EIF5B: variants seen among roughly 807,000 people sequenced by gnomAD.
The protein encoded by EIF5B is eIF-5B.
In EIF5B, 47 loss-of-function variants were observed where a neutral mutation model predicts 147.5. That is an observed-to-expected ratio of 0.32 (90% CI 0.25 to 0.41). The LOEUF (loss-of-function observed/expected upper bound fraction) is 0.41, where lower values mean the gene tolerates loss of function less well. Among genes scored for constraint, EIF5B ranks in the 10% least tolerant of loss-of-function variants. The pLI, the probability that EIF5B is intolerant of heterozygous loss-of-function variation, is 1.00. For missense variants in EIF5B, 1,064 were observed against 1,413.2 expected, an observed-to-expected ratio of 0.75 and a Z score of 3.96; for synonymous variants, 455 against 456.2, an observed-to-expected ratio of 1.00 and a Z score of 0.03.
chr2:99,381,403 C>A (rs1042080010), intron 12 of EIF5B, among the ~76,000 whole-genome samples: 1 of 152,062 alleles, frequency 6.6e-6, no homozygotes, highest in East Asian at 1.9e-4. Context: ...AACCAGAATG[C>A]GGATCTGAAA....
At chr2:99,383,286 G>A (rs1464805527) in intron 14 of EIF5B, among the ~76,000 whole-genome samples, 1 of 152,076 alleles carries the variant, frequency 6.6e-6, no homozygotes, top group African/African-American at 2.4e-5. Flanking sequence ...GATTTGGGGT[G>A]CCACAAACCA....
intron 14 of EIF5B, among the ~76,000 whole-genome samples, chr2:99,384,517 G>A (rs1290101744): frequency 6.6e-6 from 1 of 152,114 alleles, no homozygotes; most frequent in Non-Finnish European, 1.5e-5. Flanking sequence ...CATTTTATAC[G>A]GCTATAGCTG....
At chr2:99,383,442 A>G (rs1352757021) in intron 14 of EIF5B, among the ~76,000 whole-genome samples, 2 of 152,118 alleles carry the variant, frequency 1.3e-5, no homozygotes, top group Admixed American at 6.5e-5. Flanking sequence ...TAAGATTACA[A>G]TGACCTGTAA....
chr2:99,343,775 C>T (rs2094266263), intron 1 of EIF5B, among the ~76,000 whole-genome samples: 1 of 151,608 alleles, frequency 6.6e-6, no homozygotes, highest in South Asian at 2.1e-4. Context: ...GATTGCACCA[C>T]TGCACGTCAG....
intron 9 of EIF5B, among the ~76,000 whole-genome samples, chr2:99,372,171 T>C (rs975080938): frequency 6.6e-6 from 1 of 152,204 alleles, no homozygotes; most frequent in Non-Finnish European, 1.5e-5. Context: ...TTTACTAACT[T>C]ACTGATAATG....
At chr2:99,381,284 T>G (rs142113238) in intron 12 of EIF5B, among the ~76,000 whole-genome samples, 14 of 152,268 alleles carry the variant, frequency 9.2e-5, no homozygotes, top group South Asian at 2.1e-4. Context: ...GGAACAAGAT[T>G]ATTATTAGGC....
chr2:99,381,641 T>C (rs797022264), intron 12 of EIF5B, among the ~76,000 whole-genome samples: 3 of 152,098 alleles, frequency 2.0e-5, no homozygotes, highest in African/African-American at 7.2e-5. Context: ...ATTTATGTCC[T>C]TTTGTCCAGA....
At chr2:99,391,041 C>T (rs1053941588) in intron 17 of EIF5B, among the ~76,000 whole-genome samples, 11 of 152,152 alleles carry the variant, frequency 7.2e-5, no homozygotes, top group African/African-American at 2.4e-4. Flanking sequence ...TTTTGACTCC[C>T]CAAAAACTTA....
chr2:99,383,060 G>T, intron 14 of EIF5B, 139 bp downstream of exon 14: 2 of 896,312 alleles, frequency 2.2e-6, no homozygotes, highest in Non-Finnish European at 3.1e-6. Flanking sequence ...GATATTGTGT[G>T]TGTGTGTGTA....
At chr2:99,338,393 T>C in intron 1 of EIF5B, 2 of 1,233,340 alleles carry the variant, frequency 1.6e-6, no homozygotes, top group Non-Finnish European at 2.1e-6. Flanking sequence ...GTTGACTTCC[T>C]GGGAGTGAAC....
intron 1 of EIF5B, among the ~76,000 whole-genome samples, chr2:99,349,959 C>T (rs1379756168): frequency 1.3e-5 from 2 of 152,190 alleles, no homozygotes; most frequent in Non-Finnish European, 2.9e-5. Context: ...CTACTCTTCC[C>T]AGCATCTGGT....
At chr2:99,353,983 G>T (rs1674040378) in intron 1 of EIF5B, among the ~76,000 whole-genome samples, 2 of 152,152 alleles carry the variant, frequency 1.3e-5, no homozygotes, top group South Asian at 4.1e-4. Context: ...AAATAAAATT[G>T]CTATGAACTT....
chr2:99,368,419 C>T (rs1307753943), intron 6 of EIF5B, 74 bp from the exon 7 acceptor site: 1 of 1,075,322 alleles, frequency 9.3e-7, no homozygotes. Context: ...GAATGAAATG[C>T]TATCCTTTAA....
chr2:99,358,531 C>G (rs1035231938), intron 1 of EIF5B, among the ~76,000 whole-genome samples: 3 of 152,208 alleles, frequency 2.0e-5, no homozygotes, highest in African/African-American at 7.2e-5. Context: ...TGACAGTGTT[C>G]AGATCTGGTA....
chr2:99,361,160 A>C lies in EIF5B; in HGVS notation c.259A>C (p.Asn87His). ...ETVAVKPTEN[N>H]EEEFTSKDKK... is the part of the protein sequence containing the mutation. ...GGAAATTTTTTAGCCAACAGAAAAC[A>C]ATGAAGAGGAATTCACCTCAAAAGA... Residue 87 changes from asparagine to histidine, a missense_variant, in exon 4 of 24, where the codon AAT becomes CAT. By Grantham distance (68) the Asn-to-His change is moderately conservative (BLOSUM62 1). Around this residue, in one of 4 missense-constraint regions of EIF5B, gnomAD observed 458 missense variants for 451.3 expected, o/e 1.01. Coordinates refer to ENST00000289371, the MANE Select transcript of EIF5B (RefSeq NM_015904.4). 1.3e-6 allele frequency: 2 copies of C among 1,510,018 alleles called. No homozygotes were observed. Among genetic ancestry groups the C allele is most frequent in the Non-Finnish European group, 1.8e-6 (2 of 1,134,316 alleles). 93.5% of individuals were successfully genotyped at this position (1,510,018 alleles called of 1,614,324 possible).
In EIF5B at chr2:99,382,265, C is replaced by G. The variant is rs1346797296; in HGVS notation, c.2129+39C>G. 3 of 1,571,054 alleles carry G rather than the reference C, an allele frequency of 1.9e-6. No individual in the cohort carries two copies. The East Asian group carries it at 6.7e-5, about 35-fold the overall frequency. ...GAGTCTTTTCTCATCAAGCAATCTA[C>G]TTGAAACCATTAAGTCTAAAAGTTC... On this transcript the variant is annotated intron_variant, in intron 13 of 23. Transcript: ENST00000289371.
At position 99,382,935 on chromosome 2, in the gene EIF5B, CT is replaced by C; in HGVS notation, c.2271+15del. 1.3e-6 allele frequency: 2 copies of C among 1,550,414 alleles called. No homozygotes were observed. The highest frequency in any genetic ancestry group is 8.7e-7 in the Non-Finnish European group (1 of 1,153,918). Reference sequence around the variant, plus strand: ...GCACTCAATAAGGTATGTGCGCCTTCTGAAAAATTAACCTAGGAAAACATGT... The same window carrying C: ...GCACTCAATAAGGTATGTGCGCCTTCGAAAAATTAACCTAGGAAAACATGT... On this transcript the variant is annotated intron_variant, in intron 14 of 23. Transcript: ENST00000289371.
intron 4 of EIF5B, among the ~76,000 whole-genome samples, chr2:99,362,442 C>T (rs780358737): frequency 6.6e-6 from 1 of 152,106 alleles, no homozygotes; most frequent in Non-Finnish European, 1.5e-5. Flanking sequence ...CGGTGGTTCA[C>T]GCCTATAATC....
chr2:99,394,673 A>G (rs762853223), intron 20 of EIF5B, 46 bp from the exon 21 acceptor site: 3 of 1,609,586 alleles, frequency 1.9e-6, no homozygotes, highest in Non-Finnish European at 2.5e-6. Flanking sequence ...TCTGTGACAT[A>G]CTCTGTTTTT....
Sources: gnomAD v4.1 joint callset for allele counts (sites outside exome capture counted in the v4.1 genomes callset) on GRCh38, gnomAD v4.1.1 for gene constraint, gnomAD v4.1.1 regional missense constraint, MANE v1.5 for transcripts, NCBI Gene and HGNC (gene_info 2026-07-23, HGNC 2026-07-21) for gene names.